Variants in ACACB observed in about 807,000 individuals in gnomAD.
The protein encoded by ACACB is acetyl-CoA carboxylase beta, also known as acetyl-CoA carboxylase 2.
A neutral mutation model predicts 278.8 loss-of-function variants in ACACB; 209 were observed. That is an observed-to-expected ratio of 0.75 (90% CI 0.67 to 0.84). ACACB has a LOEUF of 0.84. ACACB is among the 40% of genes least tolerant of loss of function. ACACB has a pLI of 0.00. For missense variants in ACACB, 2,850 were observed against 3,269.0 expected (o/e 0.87, Z 3.13); for synonymous variants, 1,174 against 1,285.6 (o/e 0.91, Z 1.86).
chr12:109,248,105 G>A (rs1469917547), intron 40 of ACACB, among the ~76,000 whole-genome samples: 3 of 152,158 alleles, frequency 2.0e-5, no homozygotes, highest in African/African-American at 7.2e-5. Flanking sequence ...GACAAGTTAT[G>A]TTTTTCTCAG....
intron 9 of ACACB, 150 bp from the exon 10 acceptor site, chr12:109,178,938 T>C: frequency 1.3e-6 from 1 of 779,542 alleles, no homozygotes; most frequent in Non-Finnish European, 2.1e-6. Flanking sequence ...ATTATGTCTG[T>C]GAGACAACAA....
At chr12:109,246,545 A>C in intron 39 of ACACB, 97 bp downstream of exon 39, 8 of 1,436,500 alleles carry the variant, frequency 5.6e-6, no homozygotes, top group Non-Finnish European at 7.6e-6. Context: ...AAAAAATCTC[A>C]CTTATGTATA....
rs192561195 is a variant in ACACB at position 109,145,776 on chromosome 12, G to A, written c.653+5718G>A. Among the ~76,000 whole-genome samples, 295 of 151,888 alleles carry A rather than the reference G, an allele frequency of 1.9e-3. 3 individuals are homozygous for A. The highest frequency in any genetic ancestry group is 1.9e-3 in the Non-Finnish European group (131 of 67,952). ...AGCACTTTGGGAGGCCGAGGGGGGC[G>A]GATCACAAGGTCAGGAGTTTGAGAC... On this transcript the variant is annotated intron_variant, in intron 2 of 52. Coordinates refer to ENST00000338432, the MANE Select transcript of ACACB (RefSeq NM_001093.4).
intron 4 of ACACB, among the ~76,000 whole-genome samples, chr12:109,170,807 C>A (rs1565884625): frequency 6.7e-6 from 1 of 150,162 alleles, no homozygotes; most frequent in African/African-American, 2.5e-5. Flanking sequence ...TTTTTTTTAC[C>A]ATAATTTAAA....
At chr12:109,200,403 C>CAA (rs2045296257) in intron 18 of ACACB, among the ~76,000 whole-genome samples, 1 of 152,070 alleles carries the variant, frequency 6.6e-6, no homozygotes, top group African/African-American at 2.4e-5. Context: ...TCAAGCTGGT[C>CAA]AAATACCTGA....
At chr12:109,210,270 C>CATATACACACATGTGTGTATATGTAT (rs1555223049) in intron 21 of ACACB, among the ~76,000 whole-genome samples, 3 of 19,936 alleles carry the variant, frequency 1.5e-4, no homozygotes, top group East Asian at 1.8e-3. Context: ...TGTATATGTA[C>CATATACACACATGTGTGTATATGTAT]ATATACACAC....
chr12:109,133,469 G>T, intron 1 of ACACB, among the ~76,000 whole-genome samples: 1 of 152,078 alleles, frequency 6.6e-6, no homozygotes, highest in Middle Eastern at 3.2e-3. Context: ...GAGCTCAAGA[G>T]ATCTGCCCAC....
chr12:109,198,439 ACTCTGTTG>A (rs1429754459), intron 17 of ACACB, among the ~76,000 whole-genome samples: 1 of 152,236 alleles, frequency 6.6e-6, no homozygotes, highest in African/African-American at 2.4e-5. Context: ...ACTGGTTCTT[ACTCTGTTG>A]CCCAGCCTGG....
At position 109,265,256 on chromosome 12, in the gene ACACB, C is replaced by T. The variant is rs202202415; in HGVS notation, c.7089C>T (p.Phe2363=). Residue 2363 remains phenylalanine, a synonymous_variant, in exon 51 of 53, where the codon TTC becomes TTT. Transcript: ENST00000338432. ...VHIQSMLRRW[F]VETEGAVKAY... Reference sequence around the variant, plus strand: ...TCCAGTCCATGCTGCGTCGCTGGTTCGTGGAGACGGAGGGGGCTGTCAAGG... The same window carrying T: ...TCCAGTCCATGCTGCGTCGCTGGTTTGTGGAGACGGAGGGGGCTGTCAAGG... 1,229 of 1,613,208 alleles carry T rather than the reference C, an allele frequency of 7.6e-4. 21 individuals carry two copies. In the South Asian group the frequency reaches 0.013, roughly 16 times the overall value.
chr12:109,216,757 C>A (rs763942087), intron 23 of ACACB, 39 bp from the exon 24 acceptor site: 4 of 1,613,998 alleles, frequency 2.5e-6, no homozygotes, highest in African/African-American at 1.3e-5. Flanking sequence ...GCGTGAGGAG[C>A]CTGAGCTTTA....
chr12:109,136,392 C>T (rs1315664198), intron 1 of ACACB, among the ~76,000 whole-genome samples: 3 of 152,084 alleles, frequency 2.0e-5, no homozygotes, highest in Non-Finnish European at 2.9e-5. Flanking sequence ...ATAAGTCTTC[C>T]AATCCATGAG....
chr12:109,157,730 G>A (rs1014643897), intron 2 of ACACB, among the ~76,000 whole-genome samples: 3 of 152,248 alleles, frequency 2.0e-5, no homozygotes, highest in South Asian at 2.1e-4. Context: ...CTGAAGGCTC[G>A]GGCCATCTAA....
At chr12:109,207,514 G>C (rs1301680704) in intron 20 of ACACB, among the ~76,000 whole-genome samples, 1 of 152,182 alleles carries the variant, frequency 6.6e-6, no homozygotes, top group Non-Finnish European at 1.5e-5. Context: ...ACTCAGTAGA[G>C]AAACAAGAAG....
At chr12:109,114,972 T>C (rs2042375678), upstream of ACACB, among the ~76,000 whole-genome samples, 1 of 152,236 alleles carries the variant, frequency 6.6e-6, no homozygotes, top group Admixed American at 6.5e-5. Context: ...GGAAAGAGTT[T>C]ATGAATAACT....
At chr12:109,240,127 G>GTTTGCTCTCCTCCCGC in intron 35 of ACACB, 142 bp downstream of exon 35, 1 of 980,662 alleles carries the variant, frequency 1.0e-6, no homozygotes, top group Non-Finnish European at 1.5e-6. Flanking sequence ...GCTGCGGGAG[G>GTTTGCTCTCCTCCCGC]AGAGCAAACC....
At chr12:109,148,696 G>T (rs1487396041) in intron 2 of ACACB, among the ~76,000 whole-genome samples, 1 of 152,160 alleles carries the variant, frequency 6.6e-6, no homozygotes, top group Non-Finnish European at 1.5e-5. Context: ...GGGAATTTCA[G>T]ATAAGGGATT....
chr12:109,132,925 G>A (rs549522814), intron 1 of ACACB, among the ~76,000 whole-genome samples: 36 of 152,246 alleles, frequency 2.4e-4, no homozygotes, highest in Non-Finnish European at 4.4e-5. Flanking sequence ...CAGAGCCTCC[G>A]CTGTACAACT....
intron 4 of ACACB, among the ~76,000 whole-genome samples, chr12:109,168,682 T>C (rs544559188): frequency 6.6e-6 from 1 of 151,896 alleles, no homozygotes; most frequent in East Asian, 1.9e-4. Context: ...ATTAACTGGG[T>C]ATAGTGGCAC....
In ACACB at chr12:109,175,995, T is replaced by A. The variant is rs1188248763; in HGVS notation, c.1281T>A (p.Asp427Glu). Residue 427 changes from aspartate to glutamate, a missense_variant, in exon 8 of 53, where the codon GAT (aspartate) becomes GAA (glutamate). Transcript: ENST00000338432. ...GAAAAAGAATCAGTGTCCCAGAAGATGTTTATGACAAGGGTTGCGTGAAAG... is the reference window on the plus strand; with the variant it reads ...GAAAAAGAATCAGTGTCCCAGAAGAAGTTTATGACAAGGGTTGCGTGAAAG... ...QQGKRISVPEDVYDKGCVKDV... is the reference protein window; with the variant it reads ...QQGKRISVPEEVYDKGCVKDV... 1 of 1,614,004 alleles carries A rather than the reference T, an allele frequency of 6.2e-7. No homozygotes were observed. Among genetic ancestry groups the A allele is most frequent in the Non-Finnish European group, 8.5e-7 (1 of 1,180,022 alleles).
Sources: allele counts gnomAD v4.1 joint callset (sites outside exome capture counted in the v4.1 genomes callset), GRCh38; gene constraint gnomAD v4.1.1; transcripts MANE v1.5; gene names NCBI Gene and HGNC (gene_info 2026-07-23, HGNC 2026-07-21).